Variants in ACSM1 observed in about 807,000 individuals in gnomAD.
The protein encoded by ACSM1 is acyl-coenzyme A synthetase ACSM1, mitochondrial.
In ACSM1, 79 loss-of-function variants were observed where a neutral mutation model predicts 75.8. The observed-to-expected ratio is 1.04, with a 90% CI of 0.87 to 1.26. The LOEUF is 1.26. Among genes scored for constraint, ACSM1 ranks in the 50% most tolerant of loss-of-function variants. The pLI is 0.00. For synonymous variants in ACSM1, 279 were observed against 265.8 expected, an observed-to-expected ratio of 1.05 and a Z score of -0.48; for missense variants, 676 against 720.1, an observed-to-expected ratio of 0.94 and a Z score of 0.70.
rs536042601 is a variant in ACSM1 at position 20,658,802 on chromosome 16, C to T, written c.992+2992G>A. Among the ~76,000 whole-genome samples the T allele has an allele frequency of 2.6e-5, 4 of 152,172 alleles. No homozygotes were observed. In the South Asian group the frequency reaches 6.2e-4, roughly 24 times the overall value. On this transcript the variant is annotated intron_variant, in intron 7 of 13. Coordinates refer to ENST00000520010, the MANE Select transcript of ACSM1 (RefSeq NM_001318890.3). ...TGCTATACCTATGGAGACAAATTGG[C>T]CGGAAAAGAGATTAAATTTATTAAA...
At chr16:20,678,848 C>G (rs1396290325) in intron 4 of ACSM1, among the ~76,000 whole-genome samples, 1 of 152,160 alleles carries the variant, frequency 6.6e-6, no homozygotes, top group Non-Finnish European at 1.5e-5. Flanking sequence ...GCCCATGGTC[C>G]TCCTCCAAGT....
At chr16:20,637,602 C>G in intron 8 of ACSM1, 151 bp from the exon 9 acceptor site, 1 of 709,220 alleles carries the variant, frequency 1.4e-6, no homozygotes, top group South Asian at 1.7e-5. Context: ...AGCTGGAAGG[C>G]CTTAGTCTAG....
intron 10 of ACSM1, among the ~76,000 whole-genome samples, chr16:20,630,470 T>C (rs1012018245): frequency 3.7e-4 from 56 of 152,164 alleles, no homozygotes; most frequent in African/African-American, 1.3e-3. Context: ...ACCAAGAAGA[T>C]ATAATAATCA....
intron 7 of ACSM1, among the ~76,000 whole-genome samples, chr16:20,659,129 A>T (rs780444247): frequency 6.6e-6 from 1 of 152,150 alleles, no homozygotes; most frequent in Non-Finnish European, 1.5e-5. Context: ...CTGATCTGGG[A>T]TTTTTTTGTA....
chr16:20,694,199 G>T (rs184551027), intron 1 of ACSM1, among the ~76,000 whole-genome samples: 1 of 152,278 alleles, frequency 6.6e-6, no homozygotes, highest in African/African-American at 2.4e-5. Context: ...TAGCCAATCG[G>T]GACAAATACA....
At chr16:20,660,109 G>A (rs1300373890) in intron 7 of ACSM1, among the ~76,000 whole-genome samples, 1 of 152,140 alleles carries the variant, frequency 6.6e-6, no homozygotes, top group Non-Finnish European at 1.5e-5. Flanking sequence ...ATTTAGCTCA[G>A]AATAAATCTC....
Position 20,671,578 on chromosome 16 carries a change from C to T in ACSM1, c.705G>A (p.Met235Ile). The T allele has an allele frequency of 6.2e-7, 1 of 1,613,744 alleles. No homozygotes were observed. Among genetic ancestry groups the T allele is most frequent in the South Asian group, 1.1e-5 (1 of 91,034 alleles). The change falls in exon 5 of 14, where the codon ATG (methionine) becomes ATA (isoleucine). Residue 235 changes from methionine to isoleucine, a missense_variant. Transcript: ENST00000520010. The part of the protein sequence containing the change: ...FTSGTTGFPK[M>I]AKHSHGLALQ... ...AGGCCAACCCATGGGAGTGTTTTGC[C>T]ATCTTGGGGAAGCCTGTGGTCCCAC...
chr16:20,677,443 C>T (rs910683121), intron 4 of ACSM1, among the ~76,000 whole-genome samples: 6 of 152,184 alleles, frequency 3.9e-5, no homozygotes, highest in Non-Finnish European at 7.3e-5. Context: ...ATAGCTGCCA[C>T]TGCCCTACTG....
At chr16:20,664,123 T>A (rs1198959218) in intron 6 of ACSM1, among the ~76,000 whole-genome samples, 1 of 120,304 alleles carries the variant, frequency 8.3e-6, no homozygotes, top group African/African-American at 3.2e-5. Context: ...ATAGAAGGAA[T>A]GTTTTGTTTT....
chr16:20,685,112 G>C, intron 3 of ACSM1, 81 bp downstream of exon 3: 4 of 1,467,344 alleles, frequency 2.7e-6, no homozygotes, highest in South Asian at 2.3e-5. Flanking sequence ...TGCCAGGCTG[G>C]GTGCACAGCA....
intron 7 of ACSM1, among the ~76,000 whole-genome samples, chr16:20,658,922 A>G (rs921107217): frequency 2.6e-5 from 4 of 152,226 alleles, no homozygotes; most frequent in Admixed American, 2.0e-4. Flanking sequence ...TGTGAGTCTG[A>G]TCAAAGAATA....
In ACSM1 at chr16:20,691,032, T is replaced by C; in HGVS notation, c.157A>G (p.Ser53Gly). 1 of 1,613,698 alleles carries C rather than the reference T, an allele frequency of 6.2e-7. No individual in the cohort carries two copies. Among genetic ancestry groups the C allele is most frequent in the Non-Finnish European group, 8.5e-7 (1 of 1,179,828 alleles). ...YEVPEEFNFA[S>G]YVLDYWAQKE... Reference sequence around the variant, plus strand: ...TGAGCCCAGTAGTCCAGTACATAACTTGCAAAGTTAAATTCCTCCGGTACT... The same window carrying C: ...TGAGCCCAGTAGTCCAGTACATAACCTGCAAAGTTAAATTCCTCCGGTACT... Residue 53 changes from serine to glycine, a missense_variant, in exon 2 of 14, where the codon AGT becomes GGT. Coordinates refer to ENST00000520010, the MANE Select transcript of ACSM1 (RefSeq NM_001318890.3).
At chr16:20,672,529 T>A (rs2020005063) in intron 4 of ACSM1, among the ~76,000 whole-genome samples, 1 of 132,188 alleles carries the variant, frequency 7.6e-6, no homozygotes, top group African/African-American at 2.9e-5. Flanking sequence ...TATCATATAT[T>A]AAATTTATAT....
At chr16:20,646,325 G>C (rs962263298) in intron 7 of ACSM1, among the ~76,000 whole-genome samples, 9 of 152,210 alleles carry the variant, frequency 5.9e-5, no homozygotes, top group Admixed American at 5.9e-4. Flanking sequence ...TGACTGGAAG[G>C]CCCACTGCCC....
intron 7 of ACSM1, among the ~76,000 whole-genome samples, chr16:20,660,604 T>A (rs1365279970): frequency 6.6e-6 from 1 of 152,194 alleles, no homozygotes; most frequent in Admixed American, 6.5e-5. Context: ...TCATATGAGC[T>A]TTGAAATACA....
intron 4 of ACSM1, among the ~76,000 whole-genome samples, chr16:20,672,471 A>AAAATATATATATATATAT (rs1555473775): frequency 4.6e-5 from 3 of 64,562 alleles, no homozygotes; most frequent in Non-Finnish European, 7.9e-5. Context: ...AAAAAAAAAA[A>AAAATATATATATATATAT]ATATATATAT....
At chr16:20,672,689 A>T (rs2020017625) in intron 4 of ACSM1, among the ~76,000 whole-genome samples, 1 of 122,772 alleles carries the variant, frequency 8.1e-6, no homozygotes, top group South Asian at 2.4e-4. Flanking sequence ...TATATAATTT[A>T]TATATAAGTA....
At chr16:20,658,628 G>C (rs1042467962) in intron 7 of ACSM1, among the ~76,000 whole-genome samples, 2 of 151,986 alleles carry the variant, frequency 1.3e-5, no homozygotes, top group African/African-American at 4.8e-5. Context: ...GACTTCTCCT[G>C]TGACAAAACC....
At position 20,648,280 on chromosome 16, in the gene ACSM1, C is replaced by T. The variant is rs231920; in HGVS notation, c.993-7696G>A. Reference sequence around the variant, plus strand: ...TACCTAACAAGGCCAGCTTTGCTAGCTAATATTCTTCTTTTCTCTCTCTCT... The same window carrying T: ...TACCTAACAAGGCCAGCTTTGCTAGTTAATATTCTTCTTTTCTCTCTCTCT... On this transcript the variant is annotated intron_variant, in intron 7 of 13. Transcript: ENST00000520010. The surrounding 1 kb of genome is among the most constrained non-coding windows in gnomAD (Gnocchi z 4.2). Among the ~76,000 whole-genome samples the T allele has an allele frequency of 0.08, 12,167 of 152,232 alleles. 634 individuals carry two copies. Among genetic ancestry groups the T allele is most frequent in the East Asian group, 0.21 (1,082 of 5,178 alleles).
Sources: allele counts gnomAD v4.1 joint callset (sites outside exome capture counted in the v4.1 genomes callset), GRCh38; gene constraint gnomAD v4.1.1; non-coding constraint Gnocchi (gnomAD v3.1); transcripts MANE v1.5; gene names NCBI Gene and HGNC (gene_info 2026-07-23, HGNC 2026-07-21).